The following CCSER1 variants were observed in gnomAD, a reference collection of about 807,000 sequenced individuals.
CCSER1 encodes coiled-coil serine rich protein 1, also known as serine-rich coiled-coil domain-containing protein 1.
In CCSER1, 41 loss-of-function variants were observed where a neutral mutation model predicts 82.0. The ratio of observed to expected loss-of-function variants is 0.50; its 90% CI spans 0.39 to 0.65. The LOEUF (loss-of-function observed/expected upper bound fraction) is 0.65. Ranked by LOEUF, CCSER1 falls within the 30% of genes least tolerant of loss-of-function variation. CCSER1 has a pLI of 0.00. For missense variants in CCSER1, 1,119 were observed against 1,064.2 expected (o/e 1.05, Z -0.72); for synonymous variants, 414 against 383.9 (o/e 1.08, Z -0.92).
At chr4:90,493,025 A>G (rs531813639) in intron 5 of CCSER1, among the ~76,000 whole-genome samples, 15 of 152,288 alleles carry the variant, frequency 9.8e-5, no homozygotes, top group Admixed American at 2.0e-4. Flanking sequence ...AAAAAAGATT[A>G]GACAAATGGC....
intron 10 of CCSER1, among the ~76,000 whole-genome samples, chr4:91,362,997 C>G (rs1007865288): frequency 3.3e-5 from 5 of 151,728 alleles, no homozygotes; most frequent in Non-Finnish European, 7.4e-5. Context: ...CAGTTTCAGA[C>G]CCTCATTGTA....
intron 7 of CCSER1, among the ~76,000 whole-genome samples, chr4:90,779,657 C>T (rs1196978847): frequency 6.6e-6 from 1 of 152,154 alleles, no homozygotes; most frequent in East Asian, 1.9e-4. Context: ...TTGGTGATCC[C>T]CTCCCCACAC....
intron 10 of CCSER1, among the ~76,000 whole-genome samples, chr4:91,421,920 A>C (rs2149383904): frequency 6.6e-6 from 1 of 152,250 alleles, no homozygotes; most frequent in South Asian, 2.1e-4. Flanking sequence ...CTTTGAAGAT[A>C]AAGGAAGCCA....
intron 10 of CCSER1, among the ~76,000 whole-genome samples, chr4:91,480,011 C>G (rs373917977): frequency 7.2e-6 from 1 of 139,038 alleles, no homozygotes; most frequent in Non-Finnish European, 1.5e-5. Context: ...TTTGTTCTTG[C>G]GATAGTTTAC....
intron 10 of CCSER1, among the ~76,000 whole-genome samples, chr4:91,327,044 G>A (rs1746616991): frequency 6.6e-6 from 1 of 152,124 alleles, no homozygotes; most frequent in Admixed American, 6.6e-5. Flanking sequence ...ACAGTTCCAG[G>A]CACATGGTAC....
chr4:90,317,619 C>A (rs1213158327), intron 3 of CCSER1, among the ~76,000 whole-genome samples: 1 of 152,008 alleles, frequency 6.6e-6, no homozygotes, highest in Non-Finnish European at 1.5e-5. Flanking sequence ...GAAACTCTGT[C>A]TCAAAAATAA....
chr4:91,177,030 G>A (rs187440578), intron 10 of CCSER1, among the ~76,000 whole-genome samples: 2 of 152,100 alleles, frequency 1.3e-5, no homozygotes, highest in Admixed American at 6.6e-5. Context: ...TAGCATGAAG[G>A]GCTGTTGAAT....
chr4:90,503,366 A>G (rs1053240293), intron 5 of CCSER1, among the ~76,000 whole-genome samples: 8 of 152,204 alleles, frequency 5.3e-5, no homozygotes, highest in African/African-American at 1.9e-4. Flanking sequence ...TTAAATAAGA[A>G]AACTTGTTTT....
intron 10 of CCSER1, among the ~76,000 whole-genome samples, chr4:91,467,847 A>G (rs1381829851): frequency 6.6e-6 from 1 of 152,180 alleles, no homozygotes; most frequent in Non-Finnish European, 1.5e-5. Context: ...AAAAGTCAGG[A>G]AACAATAGGT....
chr4:90,228,098 G>T (rs1209813640), intron 1 of CCSER1, among the ~76,000 whole-genome samples: 1 of 152,220 alleles, frequency 6.6e-6, no homozygotes, highest in Non-Finnish European at 1.5e-5. Flanking sequence ...CAGCCGGGAA[G>T]CTCCAACTGG....
At chr4:90,348,363 A>C (rs1742791650) in intron 3 of CCSER1, among the ~76,000 whole-genome samples, 1 of 152,232 alleles carries the variant, frequency 6.6e-6, no homozygotes, top group Non-Finnish European at 1.5e-5. Context: ...TACGTATTTG[A>C]AATCATAGAT....
At chr4:90,709,946 G>GTTTTTTT (rs200510091) in intron 6 of CCSER1, among the ~76,000 whole-genome samples, 1 of 134,972 alleles carries the variant, frequency 7.4e-6, no homozygotes. Flanking sequence ...GCCAGCATCT[G>GTTTTTTT]TTTTTTTTTT....
intron 5 of CCSER1, among the ~76,000 whole-genome samples, chr4:90,550,694 A>G (rs558763854): frequency 6.4e-4 from 97 of 152,204 alleles, no homozygotes; most frequent in Non-Finnish European, 1.2e-3. Flanking sequence ...AAAAGAAGGA[A>G]GAGGGAAAAC....
intron 6 of CCSER1, among the ~76,000 whole-genome samples, chr4:90,634,030 A>T (rs1264699794): frequency 2.0e-5 from 3 of 151,536 alleles, no homozygotes; most frequent in African/African-American, 7.3e-5. Context: ...GAACTCTATC[A>T]TTTTTTTCTT....
At chr4:91,424,776 CA>C (rs1753879198) in intron 10 of CCSER1, among the ~76,000 whole-genome samples, 6 of 151,974 alleles carry the variant, frequency 3.9e-5, no homozygotes, top group Admixed American at 3.9e-4. Flanking sequence ...CTTATTTTTA[CA>C]GAAGTAAATG....
intron 3 of CCSER1, among the ~76,000 whole-genome samples, chr4:90,369,559 A>C (rs1401086852): frequency 1.3e-5 from 2 of 152,028 alleles, no homozygotes; most frequent in Non-Finnish European, 2.9e-5. Context: ...TTTTCTTGGA[A>C]ACCTTTAACT....
At chr4:90,838,254 T>C in intron 8 of CCSER1, among the ~76,000 whole-genome samples, 1 of 151,568 alleles carries the variant, frequency 6.6e-6, no homozygotes, top group East Asian at 1.9e-4. Context: ...TTATGGAATT[T>C]TTTTATTATT....
intron 10 of CCSER1, among the ~76,000 whole-genome samples, chr4:91,272,456 C>G (rs1180183459): frequency 6.6e-6 from 1 of 151,642 alleles, no homozygotes; most frequent in Non-Finnish European, 1.5e-5. Context: ...GGTTTTTTTT[C>G]TTGCTAATAA....
chr4:90,651,752 CAG>C (rs749482499), intron 6 of CCSER1, among the ~76,000 whole-genome samples: 4 of 151,976 alleles, frequency 2.6e-5, no homozygotes, highest in African/African-American at 4.8e-5. Flanking sequence ...CCCTCTAGGA[CAG>C]AGAGCAAATT....
Sources: allele counts gnomAD v4.1 joint callset (sites outside exome capture counted in the v4.1 genomes callset), GRCh38; gene constraint gnomAD v4.1.1; transcripts MANE v1.5; gene names NCBI Gene and HGNC (gene_info 2026-07-23, HGNC 2026-07-21).